LIFR: variants seen among roughly 807,000 people sequenced by gnomAD.
The protein encoded by LIFR is leukemia inhibitory factor receptor.
In LIFR, 84 loss-of-function variants were observed where a neutral mutation model predicts 122.2. The observed-to-expected ratio is 0.69, with a 90% confidence interval of 0.58 to 0.82. LIFR has a LOEUF of 0.82. Among genes scored for constraint, LIFR ranks in the 40% least tolerant of loss-of-function variants. The pLI is 0.00. For synonymous variants in LIFR, 422 were observed against 434.7 expected (o/e 0.97, Z 0.36); for missense variants, 1,294 against 1,311.6 (o/e 0.99, Z 0.21).
chr5:38,502,562 A>T, intron 11 of LIFR, 75 bp downstream of exon 11: 9 of 1,320,222 alleles, frequency 6.8e-6, no homozygotes, highest in Non-Finnish European at 9.8e-6. Context: ...CCCGGCCAAC[A>T]TCTTCTTTTT....
At position 38,520,868 on chromosome 5, in the gene LIFR, T is replaced by C. The variant is rs1432315137; in HGVS notation, c.561+2551A>G. On this transcript the variant is annotated intron_variant, in intron 5 of 19. Coordinates refer to ENST00000453190, the MANE Select transcript of LIFR (RefSeq NM_001127671.2). ...TTTAATATATTTTGAAGTTGAGTAGTGTGATGTCTCCAAGTTTGTTCTTTT... is the reference window on the plus strand; with the variant it reads ...TTTAATATATTTTGAAGTTGAGTAGCGTGATGTCTCCAAGTTTGTTCTTTT... Among the ~76,000 whole-genome samples the C allele has an allele frequency of 3.9e-5, 6 of 152,224 alleles. No individual in the cohort carries two copies. In the East Asian group the frequency reaches 7.7e-4, roughly 19 times the overall value.
intron 10 of LIFR, 79 bp downstream of exon 10, chr5:38,503,897 G>T: frequency 1.0e-6 from 1 of 981,620 alleles, no homozygotes; most frequent in Non-Finnish European, 1.6e-6. Flanking sequence ...GAGAGCTTAA[G>T]CATATCAATT....
intron 4 of LIFR, among the ~76,000 whole-genome samples, chr5:38,526,070 C>G (rs984907446): frequency 6.6e-6 from 1 of 152,158 alleles, no homozygotes. Flanking sequence ...TTCTTTATAG[C>G]ATATAGGGAA....
chr5:38,526,520 T>C (rs1409636364), intron 4 of LIFR, among the ~76,000 whole-genome samples: 1 of 152,080 alleles, frequency 6.6e-6, no homozygotes, highest in African/African-American at 2.4e-5. Flanking sequence ...TTAATTTTCA[T>C]ACTTTTATTT....
In LIFR at chr5:38,496,376, A is replaced by C. The variant is rs1217246651; in HGVS notation, c.1885+6T>G. 2 of 1,601,828 alleles carry C rather than the reference A, an allele frequency of 1.2e-6. No homozygotes were observed. The highest frequency in any genetic ancestry group is 1.7e-6 in the Non-Finnish European group (2 of 1,168,912). ...TCTTATATACTAAATCATCTCAAGC[A>C]CTCACCATTTGGAATTTCCATACTC... On this transcript the variant is annotated splice_donor_region_variant and intron_variant, in intron 13 of 19. Transcript: ENST00000453190.
At chr5:38,549,616 C>T (rs764318116) in intron 1 of LIFR, among the ~76,000 whole-genome samples, 8 of 152,050 alleles carry the variant, frequency 5.3e-5, no homozygotes, top group South Asian at 2.1e-4. Flanking sequence ...CACGGTGAAA[C>T]GCATCTCTAC....
At chr5:38,602,721 T>G (rs1230475257) in intron 2 of LIFR, among the ~76,000 whole-genome samples, 2 of 152,144 alleles carry the variant, frequency 1.3e-5, no homozygotes, top group Non-Finnish European at 2.9e-5. Context: ...TTGTTACAGG[T>G]AGTTAGACAG....
rs757324795 is a variant in LIFR at position 38,527,228 on chromosome 5, A to G, written c.324T>C (p.Tyr108=). Reference sequence around the variant, plus strand: ...CATGTAGAGAATTTATTGTTATTTCATAATCACCATGTGAAAGAGCTGGAA... The same window carrying G: ...CATGTAGAGAATTTATTGTTATTTCGTAATCACCATGTGAAAGAGCTGGAA... ...IKIPALSHGD[Y]EITINSLHDF... is the part of the protein sequence containing the mutation. The change falls in exon 4 of 20, where the codon TAT becomes TAC. Residue 108 remains tyrosine (Y), a synonymous_variant. Transcript: ENST00000453190. 8.8e-6 allele frequency: 14 copies of G among 1,594,454 alleles called. No homozygotes were observed. The highest frequency in any genetic ancestry group is 1.2e-5 in the Non-Finnish European group (14 of 1,162,706).
chr5:38,551,812 TATCTCCCAAACACA>T lies in LIFR; in HGVS notation c.-20+4508_-20+4521del, dbSNP rs1748219121. Among the ~76,000 whole-genome samples, 6 of 152,356 alleles carry T rather than the reference TATCTCCCAAACACA, an allele frequency of 3.9e-5. No individual in the cohort carries two copies. The South Asian group carries it at 1.2e-3, about 32-fold the overall frequency. On this transcript the variant is annotated intron_variant, in intron 1 of 19. Transcript: ENST00000453190. ...CTTCCAACATGAAAGCATAGAATAGTATCTCCCAAACACATATCTTTGCTCACCTGAGCAGTACC... is the reference window on the plus strand; with the variant it reads ...CTTCCAACATGAAAGCATAGAATAGTTATCTTTGCTCACCTGAGCAGTACC...
At chr5:38,550,009 T>C (rs938361206) in intron 1 of LIFR, among the ~76,000 whole-genome samples, 2 of 152,170 alleles carry the variant, frequency 1.3e-5, no homozygotes, top group Non-Finnish European at 2.9e-5. Flanking sequence ...AAATGCACTA[T>C]AACCACTGCT....
At position 38,478,661 on chromosome 5, in the gene LIFR, A is replaced by G; in HGVS notation, c.*2934T>C. On this transcript the variant is annotated 3_prime_UTR_variant, in exon 20 of 20. Transcript: ENST00000453190. The stretch of plus-strand genomic sequence containing the variant: ...TCATAAAAGAAATGTAGTCATAATA[A>G]GCCCCATAATGATCTCCATTCCTCG... 5.0e-6 allele frequency: 1 copy of G among 198,658 alleles called. No homozygotes were observed. Among genetic ancestry groups the G allele is most frequent in the Non-Finnish European group, 1.0e-5 (1 of 95,688 alleles). The allele number at this position is 198,658 out of a possible 1,614,324, so 12.3% of individuals were successfully genotyped here.
At chr5:38,521,107 T>C (rs1452739168) in intron 5 of LIFR, among the ~76,000 whole-genome samples, 1 of 152,202 alleles carries the variant, frequency 6.6e-6, no homozygotes, top group African/African-American at 2.4e-5. Context: ...TCAATTTCTT[T>C]CATCAGTTTT....
chr5:38,503,861 T>C (rs1745311150), intron 10 of LIFR, 115 bp downstream of exon 10: 1 of 775,458 alleles, frequency 1.3e-6, no homozygotes, highest in South Asian at 1.6e-5. Flanking sequence ...TCTTGGTTCT[T>C]AGTAAATCTC....
rs1744008276 is a variant in LIFR at position 38,481,855 on chromosome 5, T to C, written c.3034A>G (p.Thr1012Ala). The change falls in exon 20 of 20, where the codon ACT (threonine) becomes GCT (alanine). Residue 1012 changes from threonine (T) to alanine (A), a missense_variant. Thr to Ala is a moderately conservative substitution (Grantham distance 58). Coordinates refer to ENST00000453190, the MANE Select transcript of LIFR (RefSeq NM_001127671.2). ...TCTTCTGCAGCTATATCTTCCACAGTAGAATTAATGGGGAGGTGCATCTGT... is the reference window on the plus strand; with the variant it reads ...TCTTCTGCAGCTATATCTTCCACAGCAGAATTAATGGGGAGGTGCATCTGT... ...KPQMHLPINS[T>A]VEDIAAEEDL... The C allele has an allele frequency of 3.7e-6, 6 of 1,614,200 alleles. No individual in the cohort carries two copies. In the East Asian group the frequency reaches 8.9e-5, roughly 24 times the overall value.
chr5:38,559,596 C>T (rs550118028), upstream of LIFR, among the ~76,000 whole-genome samples: 9 of 152,234 alleles, frequency 5.9e-5, no homozygotes, highest in East Asian at 1.3e-3. Context: ...AGAACAAGAA[C>T]GTACTTTGTT....
At chr5:38,599,381 C>T (rs1032815986), upstream of LIFR, among the ~76,000 whole-genome samples, 4 of 151,190 alleles carry the variant, frequency 2.6e-5, no homozygotes, top group African/African-American at 7.3e-5. Flanking sequence ...TTACAGAATC[C>T]ACAGGGTATG....
rs1175094598 is a variant in LIFR at position 38,479,973 on chromosome 5, C to A, written c.*1622G>T. ...CTAGCAGTTAAAATCAGGATTCATACACAGAGAACCTAAATAGATTTTGTC... is the reference window on the plus strand; with the variant it reads ...CTAGCAGTTAAAATCAGGATTCATAAACAGAGAACCTAAATAGATTTTGTC... On this transcript the variant is annotated 3_prime_UTR_variant, in exon 20 of 20. Coordinates refer to ENST00000453190, the MANE Select transcript of LIFR (RefSeq NM_001127671.2). 2 of 224,206 alleles carry A rather than the reference C, an allele frequency of 8.9e-6. No homozygotes were observed. The highest frequency in any genetic ancestry group is 1.8e-5 in the Non-Finnish European group (2 of 112,700). The allele number at this position is 224,206 out of a possible 1,614,324, so 13.9% of individuals were successfully genotyped here.
Position 38,514,685 on chromosome 5 carries a change from G to A in LIFR, c.562-2721C>T, listed in dbSNP as rs185891081. On this transcript the variant is annotated intron_variant, in intron 5 of 19. Coordinates refer to ENST00000453190, the MANE Select transcript of LIFR (RefSeq NM_001127671.2). The stretch of plus-strand genomic sequence containing the variant: ...TGACAGTTGGCTCCCTCTATTCATC[G>A]CTCCACATCTGTGAGGTCAACCAAC... 7.2e-5 allele frequency among the ~76,000 whole-genome samples: 11 copies of A among 152,136 alleles called. No homozygotes were observed. In the East Asian group the frequency reaches 1.9e-3, roughly 27 times the overall value.
At chr5:38,521,683 T>C (rs1746407082) in intron 5 of LIFR, among the ~76,000 whole-genome samples, 1 of 151,948 alleles carries the variant, frequency 6.6e-6, no homozygotes, top group African/African-American at 2.4e-5. Context: ...GTGGTGTGGG[T>C]GATGGCAGTA....
Sources: gnomAD v4.1 joint callset for allele counts (sites outside exome capture counted in the v4.1 genomes callset) on GRCh38, gnomAD v4.1.1 for gene constraint, MANE v1.5 for transcripts, NCBI Gene and HGNC (gene_info 2026-07-23, HGNC 2026-07-21) for gene names.